The following CACYBP variants were observed in gnomAD, a reference collection of about 807,000 sequenced individuals.
CACYBP encodes calcyclin binding protein, also known as calcyclin-binding protein.
A neutral mutation model predicts 29.6 loss-of-function variants in CACYBP; 11 were observed. The observed-to-expected ratio is 0.37, with a 90% confidence interval of 0.23 to 0.61. The LOEUF (loss-of-function observed/expected upper bound fraction) is 0.61. Ranked by LOEUF, CACYBP falls within the 20% of genes least tolerant of loss-of-function variation. The probability of loss-of-function intolerance (pLI) is 0.65; values close to 1 mark genes in which losing one functional copy is unlikely to be tolerated. For missense variants in CACYBP, 163 were observed against 260.7 expected (o/e 0.63, Z 2.58); for synonymous variants, 73 against 88.3 (o/e 0.83, Z 0.97).
chr1:174,999,758 G>C (rs71645225), upstream of CACYBP: 490 of 278,828 alleles, frequency 1.8e-3, 1 homozygote, highest in Non-Finnish European at 2.4e-3. Flanking sequence ...GGCCCAGCGC[G>C]GTCAAATTAT....
In CACYBP at chr1:175,011,402, G is replaced by GAT. The variant is rs1229991427; in HGVS notation, c.*1328_*1329dup. 1 of 152,074 alleles carries GAT rather than the reference G, an allele frequency of 6.6e-6. No individual in the cohort carries two copies. The highest frequency in any genetic ancestry group is 1.5e-5 in the Non-Finnish European group (1 of 68,004). 9.4% of individuals were successfully genotyped at this position (152,074 alleles called of 1,614,324 possible). A position where few individuals can be genotyped will look rare whatever the true frequency, so the allele number is the denominator to read the frequency against. On this transcript the variant is annotated 3_prime_UTR_variant, in exon 6 of 6. Transcript: ENST00000367679. The stretch of plus-strand genomic sequence containing the variant: ...TAAGATAACTGAAAATAGGCATATA[G>GAT]ATATATTCCAAGCCGCCTGACGATC...
chr1:175,008,677 C>G lies in CACYBP; in HGVS notation c.501C>G (p.Thr167=). Reference sequence around the variant, plus strand: ...AAAACACAAGGTGGGATTACCTGACCCAGGTTGAAAAGGAGTGCAAAGAAA... The same window carrying G: ...AAAACACAAGGTGGGATTACCTGACGCAGGTTGAAAAGGAGTGCAAAGAAA... ...KVENTRWDYL[T]QVEKECKEKE... Residue 167 remains threonine, a synonymous_variant, in exon 5 of 6, where the codon ACC becomes ACG. Coordinates refer to ENST00000367679, the MANE Select transcript of CACYBP (RefSeq NM_014412.3). 6.3e-7 allele frequency: 1 copy of G among 1,584,442 alleles called. No individual in the cohort carries two copies. Among genetic ancestry groups the G allele is most frequent in the Non-Finnish European group, 8.7e-7 (1 of 1,153,198 alleles).
chr1:174,999,979 C>A lies in CACYBP; in HGVS notation c.-202C>A. 1.5e-6 allele frequency: 1 copy of A among 685,326 alleles called. No individual in the cohort carries two copies. The highest frequency in any genetic ancestry group is 2.4e-6 in the Non-Finnish European group (1 of 419,668). 42.5% of individuals were successfully genotyped at this position (685,326 alleles called of 1,614,324 possible). On this transcript the variant is annotated 5_prime_UTR_variant, in exon 1 of 6. Coordinates refer to ENST00000367679, the MANE Select transcript of CACYBP (RefSeq NM_014412.3). ...TGTGCGTGCTCGCGGTGGGCGGTGG[C>A]GGCGGCTGCCTCGCGAAGGTTCGAG...
chr1:175,011,524 G>C lies in CACYBP; in HGVS notation c.*1445G>C, dbSNP rs912930181. 4 of 152,068 alleles carry C rather than the reference G, an allele frequency of 2.6e-5. No homozygotes were observed. The highest frequency in any genetic ancestry group is 7.2e-5 in the African/African-American group (3 of 41,386). The allele number at this position is 152,068 out of a possible 1,614,324, so 9.4% of individuals were successfully genotyped here. A position where few individuals can be genotyped will look rare whatever the true frequency, so the allele number is the denominator to read the frequency against. ...CCTAGAAGAAATAAATAAAACTATT[G>C]ATCAATTTTAACTACATAAAAATGT... On this transcript the variant is annotated 3_prime_UTR_variant, in exon 6 of 6. Transcript: ENST00000367679.
At chr1:175,000,507 T>C in intron 1 of CACYBP, 1 of 1,283,840 alleles carries the variant, frequency 7.8e-7, no homozygotes, top group Non-Finnish European at 9.8e-7. Flanking sequence ...AGGCCCTTTC[T>C]GCCCTGGTTT....
At position 175,010,735 on chromosome 1, in the gene CACYBP, TA is replaced by T. The variant is rs1189238308; in HGVS notation, c.*659del. The T allele has an allele frequency of 1.3e-5, 2 of 152,158 alleles. No homozygotes were observed. Among genetic ancestry groups the T allele is most frequent in the Non-Finnish European group, 2.9e-5 (2 of 68,034 alleles). 9.4% of individuals were successfully genotyped at this position (152,158 alleles called of 1,614,324 possible). A position where few individuals can be genotyped will look rare whatever the true frequency, so the allele number is the denominator to read the frequency against. On this transcript the variant is annotated 3_prime_UTR_variant, in exon 6 of 6. Transcript: ENST00000367679. ...AGATGGTTTATAAAAGTAATAACCA[TA>T]AAGCAAAAAATAATTTGAAAGCCCG... is the stretch of plus-strand genomic sequence containing the variant.
chr1:175,007,207 CTTT>C lies in CACYBP; in HGVS notation c.432+15_432+17del, dbSNP rs748470625. 3.3e-6 allele frequency: 5 copies of C among 1,535,688 alleles called. No individual in the cohort carries two copies. The South Asian group carries it at 4.5e-5, about 14-fold the overall frequency. On this transcript the variant is annotated intron_variant, in intron 4 of 5. Transcript: ENST00000367679. ...AGGCAGTTCAAAAAAAGTGAGTGTG[CTTT>C]TTTTGATTGTAATATTGTGAAACCT...
chr1:175,007,600 T>C (rs1672649796), intron 4 of CACYBP, among the ~76,000 whole-genome samples: 1 of 152,236 alleles, frequency 6.6e-6, no homozygotes, highest in Non-Finnish European at 1.5e-5. Context: ...TTATTGTTTG[T>C]GACCTTTGGC....
At chr1:175,009,839 C>T in intron 5 of CACYBP, 84 bp from the exon 6 acceptor site, 1 of 1,057,116 alleles carries the variant, frequency 9.5e-7, no homozygotes, top group Non-Finnish European at 1.4e-6. Flanking sequence ...TATCCCTCTA[C>T]TTCCTGCCAG....
In CACYBP at chr1:175,005,831, A is replaced by G. The variant is rs560786913; in HGVS notation, c.236-914A>G. Among the ~76,000 whole-genome samples the G allele has an allele frequency of 2.6e-5, 4 of 152,278 alleles. No homozygotes were observed. In the East Asian group the frequency reaches 7.7e-4, roughly 29 times the overall value. On this transcript the variant is annotated intron_variant, in intron 2 of 5. Coordinates refer to ENST00000367679, the MANE Select transcript of CACYBP (RefSeq NM_014412.3). ...GGATGGACTGACTGAATGGGAAGAA[A>G]CTATTAATAAATGAAGTTCTCTGGA...
rs1672767095 is a variant in CACYBP, at chr1:175,011,931, T to C, written c.*1852T>C. 6.6e-6 allele frequency among the ~76,000 whole-genome samples: 1 copy of C among 152,170 alleles called. No homozygotes were observed. The highest frequency in any genetic ancestry group is 2.4e-5 in the African/African-American group (1 of 41,442). ...CCATCTGGCCAACATGGTGAAACCC[T>C]GTCTCTACTGAAAATAAAAAAAACT... On this transcript the variant is annotated 3_prime_UTR_variant, in exon 6 of 6. Transcript: ENST00000367679.
chr1:175,008,534 G>A (rs1672672049), intron 4 of CACYBP, 75 bp from the exon 5 acceptor site: 1 of 783,306 alleles, frequency 1.3e-6, no homozygotes, highest in Non-Finnish European at 2.2e-6. Flanking sequence ...CAATTGAATA[G>A]ATAATTGTTT....
At chr1:174,999,677 A>T (rs1672409300), upstream of CACYBP, 2 of 237,062 alleles carry the variant, frequency 8.4e-6, no homozygotes, top group Non-Finnish European at 8.4e-6. Flanking sequence ...TCCGACTTGG[A>T]CTCCGAAGAT....
intron 5 of CACYBP, 92 bp from the exon 6 acceptor site, chr1:175,009,830 AT>A: frequency 1.1e-6 from 1 of 919,538 alleles, no homozygotes; most frequent in South Asian, 1.8e-5. Flanking sequence ...CTTCCTTCTT[AT>A]CCCTCTACTT....
chr1:175,002,426 G>A (rs2149409960), intron 1 of CACYBP, among the ~76,000 whole-genome samples: 1 of 152,258 alleles, frequency 6.6e-6, no homozygotes, highest in Admixed American at 6.5e-5. Flanking sequence ...CTGTGTCTTT[G>A]GAGAAATGTG....
Position 175,011,696 on chromosome 1 carries a change from G to GTGTT in CACYBP, c.*1619_*1622dup, listed in dbSNP as rs1304620361. On this transcript the variant is annotated 3_prime_UTR_variant, in exon 6 of 6. Transcript: ENST00000367679. ...ACCTTGTTCAGAAGAGAATAAACCA[G>GTGTT]TGTTTTTACCTTTCACTTGAAAAAG... 6.6e-6 allele frequency: 1 copy of GTGTT among 152,144 alleles called. No homozygotes were observed. The highest frequency in any genetic ancestry group is 1.5e-5 in the Non-Finnish European group (1 of 68,034). The allele number at this position is 152,144 out of a possible 1,614,324, so 9.4% of individuals were successfully genotyped here.
chr1:175,005,908 T>C (rs1672609584), intron 2 of CACYBP, among the ~76,000 whole-genome samples: 1 of 152,160 alleles, frequency 6.6e-6, no homozygotes, highest in Non-Finnish European at 1.5e-5. Context: ...TTTTCGAGGG[T>C]ACATAGTAGG....
intron 1 of CACYBP, among the ~76,000 whole-genome samples, chr1:175,000,977 G>A (rs1027521907): frequency 3.2e-4 from 48 of 152,188 alleles, no homozygotes; most frequent in African/African-American, 1.1e-3. Flanking sequence ...AGGTGAAGAC[G>A]GGACAGTTAT....
At chr1:175,006,693 A>T in intron 2 of CACYBP, 52 bp from the exon 3 acceptor site, 3 of 901,042 alleles carry the variant, frequency 3.3e-6, no homozygotes, top group Non-Finnish European at 5.6e-6. Context: ...TTGCTGTTCT[A>T]AAGATAGTTT....
Sources: gnomAD v4.1 joint callset for allele counts (sites outside exome capture counted in the v4.1 genomes callset) on GRCh38, gnomAD v4.1.1 for gene constraint, MANE v1.5 for transcripts, NCBI Gene and HGNC (gene_info 2026-07-23, HGNC 2026-07-21) for gene names.